The following STAMBP variants were observed in gnomAD, a reference collection of about 807,000 sequenced individuals.
STAMBP encodes STAM binding protein.
A neutral mutation model predicts 50.7 loss-of-function variants in STAMBP; 31 were observed. That is an observed-to-expected ratio of 0.61 (90% CI 0.46 to 0.83). STAMBP has a LOEUF of 0.83. Ranked by LOEUF, STAMBP falls within the 40% of genes least tolerant of loss-of-function variation. The pLI, the probability that STAMBP is intolerant of heterozygous loss-of-function variation, is 0.00. For synonymous variants in STAMBP, 211 were observed against 192.4 expected (o/e 1.10, Z -0.80); for missense variants, 472 against 518.9 (o/e 0.91, Z 0.88).
At chr2:73,842,826 T>C (rs531711343) in intron 2 of STAMBP, among the ~76,000 whole-genome samples, 1 of 152,356 alleles carries the variant, frequency 6.6e-6, no homozygotes, top group South Asian at 2.1e-4. Context: ...GGCACTGTGC[T>C]GGCTTCCAAG....
At chr2:73,841,252 A>T (rs562085374) in intron 2 of STAMBP, among the ~76,000 whole-genome samples, 1 of 152,220 alleles carries the variant, frequency 6.6e-6, no homozygotes, top group Non-Finnish European at 1.5e-5. Flanking sequence ...GTTTCTAGGG[A>T]TAGAACTTTG....
chr2:73,837,533 C>T lies in STAMBP; in HGVS notation c.203+6474C>T, dbSNP rs1373905866. On this transcript the variant is annotated intron_variant, in intron 2 of 9. Coordinates refer to ENST00000394070, the MANE Select transcript of STAMBP (RefSeq NM_213622.4). ...CCGGGAGGCGGAGCTTGCAGTGAGC[C>T]GAGATCGCGCCACTGCACTCCAGCC... is the stretch of plus-strand genomic sequence containing the variant. Among the ~76,000 whole-genome samples, 4 of 129,630 alleles carry T rather than the reference C, an allele frequency of 3.1e-5. 1 individual carries two copies. The highest frequency in any genetic ancestry group is 4.8e-4 in the South Asian group (2 of 4,166). The allele number at this position is 129,630 out of a possible 152,430, so 85.0% of individuals were successfully genotyped here.
In STAMBP at chr2:73,858,210, T is replaced by TA. The variant is rs1677833186; in HGVS notation, c.1006-1043dup. ...TAGTAGAGACAGGGTTTCACCATGTTAGCCAGGATGGTCTTGATCTCCTGA... is the reference window on the plus strand; with the variant it reads ...TAGTAGAGACAGGGTTTCACCATGTTAAGCCAGGATGGTCTTGATCTCCTGA... On this transcript the variant is annotated intron_variant, in intron 7 of 9. Transcript: ENST00000394070. Among the ~76,000 whole-genome samples the TA allele has an allele frequency of 1.4e-5, 2 of 146,080 alleles. 1 individual carries two copies. Among genetic ancestry groups the TA allele is most frequent in the South Asian group, 4.3e-4 (2 of 4,600 alleles).
intron 2 of STAMBP, among the ~76,000 whole-genome samples, chr2:73,842,083 C>T (rs190203776): frequency 3.0e-4 from 46 of 152,024 alleles, no homozygotes; most frequent in Admixed American, 2.8e-3. Context: ...GTTCTATTAC[C>T]CCTGCCCTCA....
downstream of STAMBP, among the ~76,000 whole-genome samples, chr2:73,869,576 AT>A (rs1383798543): frequency 6.6e-6 from 1 of 152,168 alleles, no homozygotes; most frequent in Non-Finnish European, 1.5e-5. Flanking sequence ...GAAAAAAAGA[AT>A]TTTGGGGGAA....
intron 7 of STAMBP, among the ~76,000 whole-genome samples, chr2:73,853,689 T>A (rs770785484): frequency 2.0e-5 from 3 of 152,132 alleles, no homozygotes; most frequent in Non-Finnish European, 2.9e-5. Context: ...GCCACTGCAC[T>A]CCAGCCTGGG....
chr2:73,855,453 G>T (rs985656779), intron 7 of STAMBP, among the ~76,000 whole-genome samples: 3 of 152,170 alleles, frequency 2.0e-5, no homozygotes, highest in African/African-American at 7.2e-5. Context: ...AAAGTTTTTT[G>T]ATTCTGTTTA....
At chr2:73,842,907 G>A (rs1675579131) in intron 2 of STAMBP, among the ~76,000 whole-genome samples, 1 of 152,088 alleles carries the variant, frequency 6.6e-6, no homozygotes, top group Non-Finnish European at 1.5e-5. Context: ...TCTATAATAA[G>A]AGCATAAGTA....
At chr2:73,848,255 A>G (rs1676385089) in intron 5 of STAMBP, among the ~76,000 whole-genome samples, 2 of 152,138 alleles carry the variant, frequency 1.3e-5, no homozygotes, top group African/African-American at 4.8e-5. Context: ...CATGGTGTTC[A>G]GAAACTGGGT....
In STAMBP at chr2:73,847,805, T is replaced by C. The variant is rs778109318; in HGVS notation, c.742+52T>C. On this transcript the variant is annotated intron_variant, in intron 5 of 9. Transcript: ENST00000394070. ...CCTTCTCAGTTGCAGCCAAACAGTA[T>C]CATTCTGACGGGGTCAACCTAAGAT... is the stretch of plus-strand genomic sequence containing the variant. 1.9e-6 allele frequency: 3 copies of C among 1,567,166 alleles called. No individual in the cohort carries two copies. The Admixed American group carries it at 5.4e-5, about 28-fold the overall frequency.
chr2:73,849,320 C>T, intron 5 of STAMBP, 43 bp from the exon 6 acceptor site: 1 of 1,611,506 alleles, frequency 6.2e-7, no homozygotes. Context: ...CTTGAGGAGG[C>T]AGGGCTCAGT....
chr2:73,870,891 C>T (rs2104768790), downstream of STAMBP, among the ~76,000 whole-genome samples: 1 of 152,256 alleles, frequency 6.6e-6, no homozygotes, highest in Non-Finnish European at 1.5e-5. Context: ...CTCACACAGC[C>T]TAGTATACAC....
chr2:73,858,735 G>C (rs570541165), intron 7 of STAMBP, among the ~76,000 whole-genome samples: 1 of 152,296 alleles, frequency 6.6e-6, no homozygotes, highest in East Asian at 1.9e-4. Context: ...TTACAGTGCT[G>C]GAAAGGAGCT....
rs935187971 is a variant in STAMBP, at chr2:73,865,348, C to T, written c.*3089C>T. ...AGTCAGCTATTGATATTGTGCCTCCCATCCCTCATATCTCAGTGTTTTAAC... is the reference window on the plus strand; with the variant it reads ...AGTCAGCTATTGATATTGTGCCTCCTATCCCTCATATCTCAGTGTTTTAAC... On this transcript the variant is annotated 3_prime_UTR_variant, in exon 10 of 10. Coordinates refer to ENST00000394070, the MANE Select transcript of STAMBP (RefSeq NM_213622.4). The T allele has an allele frequency of 6.6e-6, 1 of 152,170 alleles. No homozygotes were observed. The highest frequency in any genetic ancestry group is 2.4e-5 in the African/African-American group (1 of 41,430). The allele number at this position is 152,170 out of a possible 1,614,324, so 9.4% of individuals were successfully genotyped here.
intron 7 of STAMBP, among the ~76,000 whole-genome samples, chr2:73,857,373 G>C (rs907335803): frequency 6.6e-6 from 1 of 152,146 alleles, no homozygotes. Flanking sequence ...AGAGAAGAAA[G>C]TTCCCCCTTT....
intron 4 of STAMBP, 140 bp from the exon 5 acceptor site, chr2:73,847,247 G>A: frequency 9.4e-7 from 1 of 1,061,200 alleles, no homozygotes; most frequent in South Asian, 1.7e-5. Flanking sequence ...AAGATACTGA[G>A]GAAAGCATGA....
At chr2:73,858,014 G>A (rs955463737) in intron 7 of STAMBP, among the ~76,000 whole-genome samples, 3 of 150,882 alleles carry the variant, frequency 2.0e-5, no homozygotes, top group African/African-American at 7.3e-5. Flanking sequence ...ATGGAGTCTC[G>A]CTCTGTCACC....
intron 4 of STAMBP, among the ~76,000 whole-genome samples, chr2:73,845,756 C>T (rs1242960845): frequency 1.3e-5 from 2 of 151,988 alleles, no homozygotes; most frequent in African/African-American, 4.8e-5. Context: ...CTCAGCCTCC[C>T]GAGTGACTGG....
chr2:73,853,285 T>C lies in STAMBP; in HGVS notation c.1005+2772T>C, dbSNP rs145443215. Among the ~76,000 whole-genome samples, 1,025 of 152,268 alleles carry C rather than the reference T, an allele frequency of 6.7e-3. 8 individuals are homozygous for C. Among genetic ancestry groups the C allele is most frequent in the African/African-American group, 0.021 (861 of 41,538 alleles). On this transcript the variant is annotated intron_variant, in intron 7 of 9. Transcript: ENST00000394070. ...ACTACCATTTTGAGCAACTTAGCTC[T>C]AGAGGAAAGGAGAAACATGGAATGG...
Sources: gnomAD v4.1 joint callset for allele counts (sites outside exome capture counted in the v4.1 genomes callset) on GRCh38, gnomAD v4.1.1 for gene constraint, MANE v1.5 for transcripts, NCBI Gene and HGNC (gene_info 2026-07-23, HGNC 2026-07-21) for gene names.